PTPRD: variants seen among roughly 807,000 people sequenced by gnomAD.
PTPRD encodes protein tyrosine phosphatase receptor type D.
PTPRD carries 34 observed loss-of-function variants against 214.5 expected under a neutral mutation model. The ratio of observed to expected loss-of-function variants is 0.16; its 90% CI spans 0.12 to 0.21. The LOEUF (loss-of-function observed/expected upper bound fraction) is 0.21, where lower values mean the gene tolerates loss of function less well. Ranked by LOEUF, PTPRD falls within the 10% of genes least tolerant of loss-of-function variation. PTPRD has a pLI of 1.00. For missense variants in PTPRD, 2,545 were observed against 2,398.7 expected (o/e 1.06, Z -1.27); for synonymous variants, 1,128 against 845.7 (o/e 1.33, Z -5.79).
At chr9:10,346,119 T>G (rs1467912287) in intron 2 of PTPRD, among the ~76,000 whole-genome samples, 2 of 152,208 alleles carry the variant, frequency 1.3e-5, no homozygotes, top group Non-Finnish European at 2.9e-5. Context: ...TGATAGTATT[T>G]GAAATTAATA....
chr9:10,568,730 T>A (rs2066472086), intron 2 of PTPRD, among the ~76,000 whole-genome samples: 1 of 152,150 alleles, frequency 6.6e-6, no homozygotes, highest in Non-Finnish European at 1.5e-5. Flanking sequence ...TGTAGAAAGC[T>A]AAAACTGGAT....
At chr9:9,333,504 T>TTTTATATATATATATATAATATTATA (rs544075539) in intron 9 of PTPRD, among the ~76,000 whole-genome samples, 26 of 137,232 alleles carry the variant, frequency 1.9e-4, no homozygotes, top group African/African-American at 7.6e-4. Context: ...ATATAGTATA[T>TTTTATATATATATATATAATATTATA]TATATATATA....
chr9:9,102,045 G>A (rs1173939210), intron 10 of PTPRD, among the ~76,000 whole-genome samples: 1 of 152,126 alleles, frequency 6.6e-6, no homozygotes, highest in Non-Finnish European at 1.5e-5. Flanking sequence ...CATCTGTCAA[G>A]ATAAGAATAT....
At chr9:10,108,697 C>G (rs2098660227) in intron 3 of PTPRD, among the ~76,000 whole-genome samples, 1 of 151,950 alleles carries the variant, frequency 6.6e-6, no homozygotes, top group Non-Finnish European at 1.5e-5. Context: ...TCACAATAGT[C>G]AAGCTATGGA....
At chr9:10,048,788 T>G (rs894102300) in intron 3 of PTPRD, among the ~76,000 whole-genome samples, 1 of 152,024 alleles carries the variant, frequency 6.6e-6, no homozygotes, top group African/African-American at 2.4e-5. Context: ...ACAAATCCTA[T>G]TATCAAGTGT....
chr9:10,459,753 T>C (rs1438640497), intron 2 of PTPRD, among the ~76,000 whole-genome samples: 1 of 152,074 alleles, frequency 6.6e-6, no homozygotes, highest in Non-Finnish European at 1.5e-5. Context: ...GATGGGATTG[T>C]TTTTTCTTGT....
At chr9:9,445,930 G>A (rs1464217416) in intron 8 of PTPRD, among the ~76,000 whole-genome samples, 1 of 152,180 alleles carries the variant, frequency 6.6e-6, no homozygotes, top group East Asian at 1.9e-4. Context: ...TAGCACAGTT[G>A]TGCAGAACAT....
chr9:8,453,332 T>C (rs191545470), intron 33 of PTPRD, among the ~76,000 whole-genome samples: 408 of 150,708 alleles, frequency 2.7e-3, no homozygotes, highest in African/African-American at 8.0e-3. Context: ...CCTGGCTAAT[T>C]TTTTGTATTT....
intron 2 of PTPRD, among the ~76,000 whole-genome samples, chr9:10,543,505 C>A (rs1213077413): frequency 6.6e-6 from 1 of 150,904 alleles, no homozygotes; most frequent in South Asian, 2.1e-4. Context: ...CACACACACA[C>A]AAACACACAC....
intron 5 of PTPRD, among the ~76,000 whole-genome samples, chr9:9,811,412 G>C (rs1185812830): frequency 6.6e-6 from 1 of 152,010 alleles, no homozygotes; most frequent in African/African-American, 2.4e-5. Flanking sequence ...TCTTAAGGAT[G>C]AGCAAAGAAA....
chr9:8,663,531 C>T (rs1466992621), intron 12 of PTPRD, among the ~76,000 whole-genome samples: 2 of 152,058 alleles, frequency 1.3e-5, no homozygotes, highest in Non-Finnish European at 2.9e-5. Context: ...CACTCTGTTG[C>T]CCAGGCTGGA....
intron 3 of PTPRD, among the ~76,000 whole-genome samples, chr9:10,276,100 T>C (rs1359095): frequency 0.46 from 69,944 of 152,030 alleles, 17,074 homozygotes; most frequent in Admixed American, 0.57. Flanking sequence ...AGAAAGTTTT[T>C]ACAACAATGC....
At chr9:10,219,857 A>T (rs2099558787) in intron 3 of PTPRD, among the ~76,000 whole-genome samples, 1 of 151,822 alleles carries the variant, frequency 6.6e-6, no homozygotes. Context: ...TAACAAAATA[A>T]TGAACAAAGC....
chr9:10,277,233 TA>T (rs1367564650), intron 3 of PTPRD, among the ~76,000 whole-genome samples: 1 of 139,608 alleles, frequency 7.2e-6, no homozygotes, highest in African/African-American at 2.5e-5. Flanking sequence ...AACATAAACA[TA>T]AAACATAAAC....
intron 9 of PTPRD, among the ~76,000 whole-genome samples, chr9:9,378,996 T>G (rs904036775): frequency 4.5e-5 from 4 of 88,964 alleles, no homozygotes; most frequent in African/African-American, 1.2e-4. Context: ...AATCAGAAGT[T>G]TTTTTATTTT....
intron 7 of PTPRD, among the ~76,000 whole-genome samples, chr9:9,682,933 A>C (rs1430343544): frequency 6.6e-6 from 1 of 151,750 alleles, no homozygotes; most frequent in African/African-American, 2.4e-5. Flanking sequence ...ATGCCACTGG[A>C]AAGAGCTTTA....
At chr9:9,289,410 C>T (rs965250479) in intron 9 of PTPRD, among the ~76,000 whole-genome samples, 1 of 151,980 alleles carries the variant, frequency 6.6e-6, no homozygotes, top group African/African-American at 2.4e-5. Flanking sequence ...ATTTCATATA[C>T]TTAGACATTC....
intron 7 of PTPRD, among the ~76,000 whole-genome samples, chr9:9,654,540 T>TG (rs1404791249): frequency 3.3e-5 from 5 of 152,082 alleles, no homozygotes; most frequent in African/African-American, 1.2e-4. Context: ...ACTGAGAATG[T>TG]GGAAATAAAC....
chr9:10,396,726 G>C (rs2098177788), intron 2 of PTPRD, among the ~76,000 whole-genome samples: 1 of 151,966 alleles, frequency 6.6e-6, no homozygotes, highest in African/African-American at 2.4e-5. Flanking sequence ...TGACTAATGG[G>C]GAAGTATACA....
Sources: allele counts gnomAD v4.1 joint callset (sites outside exome capture counted in the v4.1 genomes callset), GRCh38; gene constraint gnomAD v4.1.1; transcripts MANE v1.5; gene names NCBI Gene and HGNC (gene_info 2026-07-23, HGNC 2026-07-21).